Variants in MICU1 observed in about 807,000 individuals in gnomAD.
MICU1 encodes the protein mitochondrial calcium uptake 1, also known as calcium uptake protein 1, mitochondrial.
A neutral mutation model predicts 56.8 loss-of-function variants in MICU1; 45 were observed. The observed-to-expected ratio is 0.79, with a 90% CI of 0.62 to 1.02. The LOEUF (loss-of-function observed/expected upper bound fraction) is 1.02, where lower values mean the gene tolerates loss of function less well. Ranked by LOEUF, MICU1 falls within the 50% of genes least tolerant of loss-of-function variation. MICU1 has a pLI of 0.00. For missense variants in MICU1, 504 were observed against 587.1 expected, an observed-to-expected ratio of 0.86 and a Z score of 1.46; for synonymous variants, 186 against 195.1, an observed-to-expected ratio of 0.95 and a Z score of 0.39.
intron 1 of MICU1, among the ~76,000 whole-genome samples, chr10:72,594,170 T>C (rs1014399412): frequency 6.6e-6 from 1 of 152,160 alleles, no homozygotes; most frequent in Non-Finnish European, 1.5e-5. Context: ...GGCAAACATA[T>C]AGACCAATGG....
At chr10:72,593,720 A>G (rs1264331163) in intron 1 of MICU1, among the ~76,000 whole-genome samples, 1 of 152,188 alleles carries the variant, frequency 6.6e-6, no homozygotes, top group Non-Finnish European at 1.5e-5. Flanking sequence ...CTGCATTTCT[A>G]TACACTAGTG....
intron 10 of MICU1, among the ~76,000 whole-genome samples, chr10:72,387,267 G>A (rs1862921832): frequency 1.3e-5 from 2 of 152,148 alleles, no homozygotes; most frequent in Non-Finnish European, 1.5e-5. Flanking sequence ...ACCTGCTCAA[G>A]GAGTCAAAGG....
At chr10:72,575,038 T>C (rs995261873) in intron 1 of MICU1, among the ~76,000 whole-genome samples, 1 of 152,230 alleles carries the variant, frequency 6.6e-6, no homozygotes, top group African/African-American at 2.4e-5. Flanking sequence ...TTTTAGAAAG[T>C]TCCTGAAAAT....
intron 8 of MICU1, 22 bp from the exon 9 acceptor site, chr10:72,423,393 T>C (rs1236725796): frequency 1.2e-6 from 2 of 1,612,188 alleles, no homozygotes; most frequent in African/African-American, 2.7e-5. Context: ...ACAGAAAGAA[T>C]GTTCCTAGGG....
chr10:72,613,071 T>C (rs929553116), intron 1 of MICU1, among the ~76,000 whole-genome samples: 1 of 152,102 alleles, frequency 6.6e-6, no homozygotes, highest in African/African-American at 2.4e-5. Flanking sequence ...ATAGCTTATT[T>C]TAAAACTTTC....
intron 9 of MICU1, among the ~76,000 whole-genome samples, chr10:72,422,118 G>T (rs1187266571): frequency 6.6e-6 from 1 of 152,192 alleles, no homozygotes; most frequent in Non-Finnish European, 1.5e-5. Flanking sequence ...TGGGGCCTTA[G>T]AGGAAATAAC....
chr10:72,567,667 C>A (rs1372724392), intron 1 of MICU1, among the ~76,000 whole-genome samples: 1 of 152,148 alleles, frequency 6.6e-6, no homozygotes, highest in Non-Finnish European at 1.5e-5. Flanking sequence ...CCAGGGGAAG[C>A]CACCCATGGG....
chr10:72,619,538 C>G (rs937065520), intron 1 of MICU1, among the ~76,000 whole-genome samples: 1 of 152,134 alleles, frequency 6.6e-6, no homozygotes, highest in Non-Finnish European at 1.5e-5. Context: ...GTGACAAAGA[C>G]TCTGTTATGT....
At chr10:72,525,648 G>T (rs893487032) in intron 5 of MICU1, among the ~76,000 whole-genome samples, 3 of 152,180 alleles carry the variant, frequency 2.0e-5, no homozygotes, top group African/African-American at 7.2e-5. Context: ...ATACTAGTCT[G>T]CAGCTTTTCA....
intron 6 of MICU1, 40 bp from the exon 7 acceptor site, chr10:72,477,296 C>T (rs764285588): frequency 1.0e-5 from 15 of 1,437,286 alleles, no homozygotes; most frequent in Middle Eastern, 2.3e-4. Flanking sequence ...AGGCATTGAC[C>T]AAAAATAAAT....
intron 1 of MICU1, among the ~76,000 whole-genome samples, chr10:72,620,801 T>C (rs1235434601): frequency 3.3e-5 from 5 of 152,202 alleles, no homozygotes; most frequent in Non-Finnish European, 7.3e-5. Flanking sequence ...ATTAATTATA[T>C]TTAATGTCAA....
intron 3 of MICU1, among the ~76,000 whole-genome samples, chr10:72,562,195 C>T (rs904450147): frequency 1.6e-5 from 2 of 123,366 alleles, no homozygotes; most frequent in Non-Finnish European, 3.5e-5. Context: ...GCTTTGCCGC[C>T]CAGGCTGAAG....
chr10:72,521,559 T>C (rs993083206), intron 5 of MICU1, among the ~76,000 whole-genome samples: 2 of 152,074 alleles, frequency 1.3e-5, no homozygotes, highest in African/African-American at 2.4e-5. Flanking sequence ...CCTTATTGCA[T>C]ACTATTATCT....
intron 8 of MICU1, among the ~76,000 whole-genome samples, chr10:72,444,429 T>C (rs114622391): frequency 0.026 from 3,858 of 150,662 alleles, 171 homozygotes; most frequent in African/African-American, 0.091. Context: ...TATACTTCTA[T>C]GTGAGAGTCT....
intron 9 of MICU1, among the ~76,000 whole-genome samples, chr10:72,410,617 C>T (rs1863777713): frequency 6.6e-6 from 1 of 152,120 alleles, no homozygotes; most frequent in African/African-American, 2.4e-5. Context: ...GAAACTCTGT[C>T]TCAAAACAAA....
At chr10:72,623,254 AGAGT>A (rs1842147535) in intron 1 of MICU1, among the ~76,000 whole-genome samples, 1 of 131,940 alleles carries the variant, frequency 7.6e-6, no homozygotes. Flanking sequence ...CTTGGCAACG[AGAGT>A]GAAACTCTGT....
intron 10 of MICU1, among the ~76,000 whole-genome samples, chr10:72,399,537 T>C (rs1164637970): frequency 6.6e-6 from 1 of 152,112 alleles, no homozygotes; most frequent in African/African-American, 2.4e-5. Context: ...TCCCAGCTAC[T>C]TGGGGAGCTG....
chr10:72,469,528 C>A (rs1480024506), intron 8 of MICU1, among the ~76,000 whole-genome samples: 1 of 152,110 alleles, frequency 6.6e-6, no homozygotes, highest in Non-Finnish European at 1.5e-5. Context: ...AAAATTGCTG[C>A]CATTTTCCAG....
intron 10 of MICU1, among the ~76,000 whole-genome samples, chr10:72,378,056 C>T (rs546341821): frequency 1.8e-4 from 27 of 152,268 alleles, no homozygotes; most frequent in African/African-American, 6.5e-4. Context: ...TCGAGACCAG[C>T]CTGGCCAACA....
Sources: gnomAD v4.1 joint callset for allele counts (sites outside exome capture counted in the v4.1 genomes callset) on GRCh38, gnomAD v4.1.1 for gene constraint, MANE v1.5 for transcripts, NCBI Gene and HGNC (gene_info 2026-07-23, HGNC 2026-07-21) for gene names.